Variants in C6orf163 observed in about 807,000 individuals in gnomAD.
The protein encoded by C6orf163 is chromosome 6 open reading frame 163, also known as uncharacterized protein C6orf163.
A neutral mutation model predicts 28.4 loss-of-function variants in C6orf163; 22 were observed. That is an observed-to-expected ratio of 0.78 (90% CI 0.55 to 1.11). The LOEUF (loss-of-function observed/expected upper bound fraction) is 1.11. Among genes scored for constraint, C6orf163 ranks in the 50% least tolerant of loss-of-function variants. The probability of loss-of-function intolerance (pLI) is 0.00; values close to 1 mark genes in which losing one functional copy is unlikely to be tolerated. For missense variants in C6orf163, 342 were observed against 389.1 expected, an observed-to-expected ratio of 0.88 and a Z score of 1.02; for synonymous variants, 110 against 123.6, an observed-to-expected ratio of 0.89 and a Z score of 0.73.
At chr6:87,350,661 T>C (rs1269902576) in intron 3 of C6orf163, among the ~76,000 whole-genome samples, 160 bp downstream of exon 3, 1 of 152,170 alleles carries the variant, frequency 6.6e-6, no homozygotes, top group African/African-American at 2.4e-5. Context: ...GATGCTGAGC[T>C]CTCTAGAGCA....
rs1039008834 is a variant in C6orf163, at chr6:87,347,795, C to T, written c.149-1017C>T. ...GTTTACTGCTGCAGCTAGACTTACTCCGGCAGCTGGGAAAGGAGGAATGTG... is the reference window on the plus strand; with the variant it reads ...GTTTACTGCTGCAGCTAGACTTACTTCGGCAGCTGGGAAAGGAGGAATGTG... On this transcript the variant is annotated intron_variant, in intron 1 of 4. Transcript: ENST00000388923. 3 of 985,544 alleles carry T rather than the reference C, an allele frequency of 3.0e-6. No homozygotes were observed. In the South Asian group the frequency reaches 1.4e-4, roughly 46 times the overall value. The allele number at this position is 985,544 out of a possible 1,614,324, so 61.0% of individuals were successfully genotyped here.
chr6:87,350,411 A>G lies in C6orf163; in HGVS notation c.261A>G (p.Lys87=). Residue 87 remains lysine (K), a synonymous_variant, in exon 3 of 5, where the codon AAA becomes AAG. Coordinates refer to ENST00000388923, the MANE Select transcript of C6orf163 (RefSeq NM_001010868.3). ...EVWAQANERQ[K]QAVEKALEEA... ...TTTCAAAGGCTAATGAACGTCAAAAACAAGCAGTGGAGAAAGCACTTGAAG... is the reference window on the plus strand; with the variant it reads ...TTTCAAAGGCTAATGAACGTCAAAAGCAAGCAGTGGAGAAAGCACTTGAAG... 6.5e-7 allele frequency: 1 copy of G among 1,533,312 alleles called. No homozygotes were observed. The highest frequency in any genetic ancestry group is 8.7e-7 in the Non-Finnish European group (1 of 1,144,816). The allele number at this position is 1,533,312 out of a possible 1,614,324, so 95.0% of individuals were successfully genotyped here.
chr6:87,352,908 A>T (rs1280154109), intron 3 of C6orf163, among the ~76,000 whole-genome samples: 2 of 152,214 alleles, frequency 1.3e-5, no homozygotes, highest in African/African-American at 4.8e-5. Flanking sequence ...ACATCTGTAC[A>T]GTTAACATGA....
At chr6:87,350,745 C>T (rs766836088) in intron 3 of C6orf163, among the ~76,000 whole-genome samples, 3 of 152,184 alleles carry the variant, frequency 2.0e-5, no homozygotes, top group Non-Finnish European at 2.9e-5. Context: ...CTTGCCTTGC[C>T]ACCCACACAC....
intron 3 of C6orf163, among the ~76,000 whole-genome samples, chr6:87,350,735 C>G (rs1043238387): frequency 6.6e-6 from 1 of 152,146 alleles, no homozygotes; most frequent in Non-Finnish European, 1.5e-5. Context: ...CCTGACCAAC[C>G]TTGCCTTGCC....
At chr6:87,356,744 T>A (rs1777508525) in intron 4 of C6orf163, 2 of 438,186 alleles carry the variant, frequency 4.6e-6, no homozygotes, top group Non-Finnish European at 8.2e-6. Context: ...TGAAAATTGC[T>A]GTTTTCTAAA....
chr6:87,350,945 G>A (rs1777403231), intron 3 of C6orf163, among the ~76,000 whole-genome samples: 1 of 152,190 alleles, frequency 6.6e-6, no homozygotes, highest in African/African-American at 2.4e-5. Context: ...TCAAATAGTT[G>A]AACAAGTGAA....
At chr6:87,355,730 A>T (rs1169196432) in intron 3 of C6orf163, among the ~76,000 whole-genome samples, 1 of 152,182 alleles carries the variant, frequency 6.6e-6, no homozygotes, top group Non-Finnish European at 1.5e-5. Flanking sequence ...GAGGACTAAG[A>T]TCCCCACCTT....
chr6:87,360,680 C>T (rs1777567921), intron 4 of C6orf163, among the ~76,000 whole-genome samples: 1 of 152,124 alleles, frequency 6.6e-6, no homozygotes, highest in African/African-American at 2.4e-5. Flanking sequence ...GGATTACAGG[C>T]GTGAGCCACC....
intron 3 of C6orf163, among the ~76,000 whole-genome samples, chr6:87,351,053 T>C (rs1410195328): frequency 6.6e-6 from 1 of 152,220 alleles, no homozygotes; most frequent in Non-Finnish European, 1.5e-5. Context: ...CTCAATAATT[T>C]AATGCAGGGC....
chr6:87,353,496 A>G (rs941681785), intron 3 of C6orf163, among the ~76,000 whole-genome samples: 2 of 152,050 alleles, frequency 1.3e-5, no homozygotes, highest in Non-Finnish European at 1.5e-5. Context: ...CAGGCATACA[A>G]CGGTCTTACA....
rs1285188273 is a variant in C6orf163, at chr6:87,365,071, G to T, written c.665G>T (p.Gly222Val). ...EKEHEMSILY[G>V]IAQRQRQEEV... is the part of the protein sequence containing the mutation. ...GAACATGAAATGAGCATCCTCTATG[G>T]CATAGCTCAGAGGCAGAGGCAAGAA... Residue 222 changes from glycine to valine, a missense_variant, in exon 5 of 5, where the codon GGC (glycine) becomes GTC (valine). By Grantham distance (109) the Gly-to-Val change is moderately radical (BLOSUM62 -3). Coordinates refer to ENST00000388923, the MANE Select transcript of C6orf163 (RefSeq NM_001010868.3). 1 of 1,551,762 alleles carries T rather than the reference G, an allele frequency of 6.4e-7. No homozygotes were observed. Among genetic ancestry groups the T allele is most frequent in the Non-Finnish European group, 8.7e-7 (1 of 1,146,932 alleles).
Position 87,348,871 on chromosome 6 carries a change from C to T in C6orf163, c.208C>T (p.His70Tyr). The stretch of plus-strand genomic sequence containing the variant: ...GTTTCAAGAAGATATACTCAGAGAA[C>T]ACATTGCGAAAGCAGAAGCTGAAGT... ...EQFQEDILRE[H>Y]IAKAEAEVWA... Residue 70 changes from histidine to tyrosine, a missense_variant, in exon 2 of 5, where the codon CAC becomes TAC. Coordinates refer to ENST00000388923, the MANE Select transcript of C6orf163 (RefSeq NM_001010868.3). 6.5e-7 allele frequency: 1 copy of T among 1,537,578 alleles called. No homozygotes were observed. The highest frequency in any genetic ancestry group is 8.7e-7 in the Non-Finnish European group (1 of 1,146,930).
chr6:87,356,868 C>T (rs928362370), intron 4 of C6orf163: 2 of 192,234 alleles, frequency 1.0e-5, no homozygotes, highest in Admixed American at 5.3e-5. Flanking sequence ...AAGCCAAGGA[C>T]AGGAATCAAG....
chr6:87,362,636 GA>G, intron 4 of C6orf163, among the ~76,000 whole-genome samples: 1 of 152,156 alleles, frequency 6.6e-6, no homozygotes, highest in Non-Finnish European at 1.5e-5. Context: ...GTGGGAAAAG[GA>G]AGAAGAGAAA....
Position 87,365,156 on chromosome 6 carries a change from G to A in C6orf163, c.750G>A (p.Met250Ile). ...CACATCAGGCCACTCTTGGCAATATGATGGATAAACTGGCTAACACCCAGG... is the reference window on the plus strand; with the variant it reads ...CACATCAGGCCACTCTTGGCAATATAATGGATAAACTGGCTAACACCCAGG... ...EKTHQATLGNMMDKLANTQGE... is the reference protein window; with the variant it reads ...EKTHQATLGNIMDKLANTQGE... Residue 250 changes from methionine (M) to isoleucine (I), a missense_variant, in exon 5 of 5, where the codon ATG (methionine) becomes ATA (isoleucine). Transcript: ENST00000388923. 6.4e-7 allele frequency: 1 copy of A among 1,551,926 alleles called. No individual in the cohort carries two copies. The highest frequency in any genetic ancestry group is 8.7e-7 in the Non-Finnish European group (1 of 1,147,046).
Position 87,365,200 on chromosome 6 carries a change from C to A in C6orf163, c.794C>A (p.Ala265Glu). ...ACCCAGGGGGAGCTGCTGTCTATAGCAAAACAACTGGGAATCATGACAAAT... is the reference window on the plus strand; with the variant it reads ...ACCCAGGGGGAGCTGCTGTCTATAGAAAAACAACTGGGAATCATGACAAAT... ...ANTQGELLSI[A>E]KQLGIMTNWK... Residue 265 changes from alanine to glutamate, a missense_variant, in exon 5 of 5, where the codon GCA (alanine) becomes GAA (glutamate). Ala to Glu is a moderately radical substitution (Grantham distance 107). Transcript: ENST00000388923. The A allele has an allele frequency of 6.4e-7, 1 of 1,551,668 alleles. No homozygotes were observed. Among genetic ancestry groups the A allele is most frequent in the Admixed American group, 2.0e-5 (1 of 50,994 alleles).
chr6:87,362,750 A>G (rs564918636), intron 4 of C6orf163, among the ~76,000 whole-genome samples: 1 of 152,290 alleles, frequency 6.6e-6, no homozygotes, highest in East Asian at 1.9e-4. Flanking sequence ...AGAAGATGAG[A>G]GAATTGCATC....
At chr6:87,362,096 C>T (rs545785163) in intron 4 of C6orf163, among the ~76,000 whole-genome samples, 3 of 152,170 alleles carry the variant, frequency 2.0e-5, no homozygotes, top group African/African-American at 4.8e-5. Flanking sequence ...AACTCCCCAG[C>T]GTGCTCAGTT....
Sources: gnomAD v4.1 joint callset for allele counts (sites outside exome capture counted in the v4.1 genomes callset) on GRCh38, gnomAD v4.1.1 for gene constraint, MANE v1.5 for transcripts, NCBI Gene and HGNC (gene_info 2026-07-23, HGNC 2026-07-21) for gene names.